The following CRYL1 variants were observed in gnomAD, a reference collection of about 807,000 sequenced individuals.
The protein encoded by CRYL1 is lambda-crystallin homolog.
Under a neutral mutation model 36.6 loss-of-function variants are expected in CRYL1, and 29 were observed. The ratio of observed to expected loss-of-function variants is 0.79; its 90% CI spans 0.59 to 1.08. CRYL1 has a LOEUF of 1.08. Ranked by LOEUF, CRYL1 falls within the 50% of genes least tolerant of loss-of-function variation. The probability of loss-of-function intolerance (pLI) is 0.00; values close to 1 mark genes in which losing one functional copy is unlikely to be tolerated. For synonymous variants in CRYL1, 152 were observed against 151.5 expected (o/e 1.00, Z -0.02); for missense variants, 411 against 407.9 (o/e 1.01, Z -0.06).
At chr13:20,508,312 C>A (rs1056356427) in intron 2 of CRYL1, among the ~76,000 whole-genome samples, 1 of 152,190 alleles carries the variant, frequency 6.6e-6, no homozygotes, top group African/African-American at 2.4e-5. Context: ...CATTTTTTAG[C>A]AGCCACCATT....
Position 20,439,665 on chromosome 13 carries a change from G to A in CRYL1, c.366C>T (p.Ser122=), listed in dbSNP as rs1214169066. The A allele has an allele frequency of 7.4e-6, 12 of 1,614,032 alleles. No homozygotes were observed. The highest frequency in any genetic ancestry group is 1.3e-5 in the African/African-American group (1 of 75,012). The stretch of plus-strand genomic sequence containing the variant: ...ACTTGGAAGGCATGAGACAAGAAGT[G>A]GAACTGCTTAAGATCACTCGATCAT... ...IIDDRVILSS[S]TSCLMPSKLF... Residue 122 remains serine, a synonymous_variant, in exon 4 of 8, where the codon TCC becomes TCT. Coordinates refer to ENST00000298248, the MANE Select transcript of CRYL1 (RefSeq NM_015974.3).
At chr13:20,520,333 C>T (rs954189087) in intron 1 of CRYL1, among the ~76,000 whole-genome samples, 3 of 150,968 alleles carry the variant, frequency 2.0e-5, no homozygotes, top group Non-Finnish European at 2.9e-5. Context: ...TTGCTGGCTG[C>T]GGGGTCTGAA....
chr13:20,502,210 G>A (rs2033715246), intron 2 of CRYL1, among the ~76,000 whole-genome samples: 1 of 152,152 alleles, frequency 6.6e-6, no homozygotes, highest in African/African-American at 2.4e-5. Flanking sequence ...TGCAAACCTT[G>A]TAGTGAGGCA....
chr13:20,512,846 A>G (rs1036976308), intron 1 of CRYL1, among the ~76,000 whole-genome samples: 1 of 152,164 alleles, frequency 6.6e-6, no homozygotes, highest in East Asian at 1.9e-4. Flanking sequence ...GCAAACATAC[A>G]GTTAACAGAA....
At chr13:20,459,207 G>A (rs2032753988) in intron 3 of CRYL1, among the ~76,000 whole-genome samples, 1 of 136,948 alleles carries the variant, frequency 7.3e-6, no homozygotes, top group South Asian at 2.3e-4. Flanking sequence ...CTGTACTCCA[G>A]CCTGGGCGAC....
intron 5 of CRYL1, among the ~76,000 whole-genome samples, chr13:20,417,434 T>G (rs1363562989): frequency 1.2e-4 from 19 of 152,206 alleles, no homozygotes; most frequent in Non-Finnish European, 2.9e-5. Flanking sequence ...GAACCCTACC[T>G]GAGTCCAGCC....
At chr13:20,490,208 T>A (rs1194198058) in intron 2 of CRYL1, among the ~76,000 whole-genome samples, 1 of 152,160 alleles carries the variant, frequency 6.6e-6, no homozygotes, top group Non-Finnish European at 1.5e-5. Context: ...CTGGCCAGCA[T>A]GGTGAAACCT....
intron 3 of CRYL1, among the ~76,000 whole-genome samples, chr13:20,456,479 CAAAAAAAA>C (rs71074301): frequency 0.014 from 1,343 of 98,776 alleles, 20 homozygotes; most frequent in African/African-American, 0.037. Context: ...CGTCTCAAAA[CAAAAAAAA>C]AAAAAAAAAG....
At chr13:20,492,180 T>C (rs28371993) in intron 2 of CRYL1, among the ~76,000 whole-genome samples, 2,457 of 152,322 alleles carry the variant, frequency 0.016, 38 homozygotes, top group African/African-American at 0.038. Context: ...GAGAGCACCA[T>C]GTGATCCAAA....
chr13:20,520,823 G>A (rs917002300), intron 1 of CRYL1, among the ~76,000 whole-genome samples: 9 of 152,104 alleles, frequency 5.9e-5, no homozygotes, highest in Non-Finnish European at 1.2e-4. Flanking sequence ...AATTGGACCC[G>A]GGCCGGGCAC....
intron 5 of CRYL1, among the ~76,000 whole-genome samples, chr13:20,413,939 C>G (rs998610772): frequency 2.0e-5 from 3 of 152,108 alleles, no homozygotes; most frequent in Non-Finnish European, 4.4e-5. Context: ...CTTTCGGAGG[C>G]TGAGGTGGGG....
intron 4 of CRYL1, among the ~76,000 whole-genome samples, chr13:20,437,241 G>T (rs2032241420): frequency 6.6e-6 from 1 of 152,092 alleles, no homozygotes; most frequent in Non-Finnish European, 1.5e-5. Context: ...GGCTAACTTG[G>T]GTTATTTGAT....
chr13:20,518,882 C>G lies in CRYL1; in HGVS notation c.42-6332G>C, dbSNP rs541927267. 6.8e-4 allele frequency among the ~76,000 whole-genome samples: 103 copies of G among 152,222 alleles called. 3 individuals carry two copies. The South Asian group carries it at 0.021, about 31-fold the overall frequency. The stretch of plus-strand genomic sequence containing the variant: ...AGAAAAAGAAAAATGGAGGACAGTG[C>G]CAAGTTTCTTTTGGACAAGAAAGGA... On this transcript the variant is annotated intron_variant, in intron 1 of 7. Coordinates refer to ENST00000298248, the MANE Select transcript of CRYL1 (RefSeq NM_015974.3).
At position 20,513,912 on chromosome 13, in the gene CRYL1, T is replaced by TAA. The variant is rs34147753; in HGVS notation, c.42-1364_42-1363dup. On this transcript the variant is annotated intron_variant, in intron 1 of 7. Transcript: ENST00000298248. ...AGCACCAAAAAGAAAAAGAAAGTAT[T>TAA]AAAAAAAAAAAAAAAAACGCATCGA... 1.5e-3 allele frequency among the ~76,000 whole-genome samples: 156 copies of TAA among 103,778 alleles called. 3 individuals carry two copies. The South Asian group carries it at 0.022, about 15-fold the overall frequency. 68.1% of individuals were successfully genotyped at this position (103,778 alleles called of 152,430 possible).
intron 2 of CRYL1, among the ~76,000 whole-genome samples, chr13:20,494,629 C>G (rs949076954): frequency 4.6e-5 from 7 of 152,220 alleles, no homozygotes; most frequent in Non-Finnish European, 7.3e-5. Context: ...CGTCTTCAAA[C>G]CTTTCCACTA....
At chr13:20,512,384 G>A (rs1321833034) in intron 2 of CRYL1, 59 bp downstream of exon 2, 3 of 1,211,176 alleles carry the variant, frequency 2.5e-6, no homozygotes, top group African/African-American at 1.5e-5. Context: ...TGACAAACAA[G>A]ACCAACTGAG....
At chr13:20,509,917 G>C (rs997469559) in intron 2 of CRYL1, among the ~76,000 whole-genome samples, 1 of 152,154 alleles carries the variant, frequency 6.6e-6, no homozygotes, top group Non-Finnish European at 1.5e-5. Flanking sequence ...GCTACAGAGG[G>C]AGACTGTCTC....
intron 5 of CRYL1, among the ~76,000 whole-genome samples, chr13:20,428,805 G>A (rs2031989906): frequency 6.6e-6 from 1 of 152,132 alleles, no homozygotes; most frequent in Admixed American, 6.5e-5. Flanking sequence ...TCCCTGACCT[G>A]CTGACCCAGT....
chr13:20,504,368 A>G (rs2033756838), intron 2 of CRYL1, among the ~76,000 whole-genome samples: 2 of 146,442 alleles, frequency 1.4e-5, no homozygotes, highest in Non-Finnish European at 3.0e-5. Context: ...CAGTGGTGCA[A>G]TCTTGGCTCA....
Sources: gnomAD v4.1 joint callset for allele counts (sites outside exome capture counted in the v4.1 genomes callset) on GRCh38, gnomAD v4.1.1 for gene constraint, MANE v1.5 for transcripts, NCBI Gene and HGNC (gene_info 2026-07-23, HGNC 2026-07-21) for gene names.